Variants in BACH2 observed in about 807,000 individuals in gnomAD.
BACH2 encodes the protein BACH transcriptional regulator 2.
Under a neutral mutation model 61.8 loss-of-function variants are expected in BACH2, and 5 were observed. That is an observed-to-expected ratio of 0.08 (90% confidence interval 0.04 to 0.17). The LOEUF (loss-of-function observed/expected upper bound fraction) is 0.17, where lower values mean the gene tolerates loss of function less well. BACH2 is among the 10% of genes least tolerant of loss of function. The pLI is 1.00. For synonymous variants in BACH2, 446 were observed against 440.1 expected, an observed-to-expected ratio of 1.01 and a Z score of -0.17; for missense variants, 824 against 1,091.1, an observed-to-expected ratio of 0.76 and a Z score of 3.45.
intron 1 of BACH2, among the ~76,000 whole-genome samples, chr6:90,274,943 C>T (rs1467480038): frequency 2.0e-5 from 3 of 152,292 alleles, no homozygotes; most frequent in Middle Eastern, 3.4e-3. Context: ...CAGTTCCTCC[C>T]CCTAGTGTTC....
chr6:90,237,157 T>C (rs561845600), intron 3 of BACH2, among the ~76,000 whole-genome samples: 1 of 152,296 alleles, frequency 6.6e-6, no homozygotes, highest in East Asian at 1.9e-4. Context: ...TCTCCTGACC[T>C]CACGATCCAT....
At chr6:90,034,240 T>C (rs1178824137) in intron 5 of BACH2, among the ~76,000 whole-genome samples, 1 of 152,200 alleles carries the variant, frequency 6.6e-6, no homozygotes, top group Non-Finnish European at 1.5e-5. Flanking sequence ...TTACTTACAA[T>C]TGACCGTATT....
intron 4 of BACH2, among the ~76,000 whole-genome samples, chr6:90,174,027 A>G (rs921701786): frequency 6.6e-6 from 1 of 152,184 alleles, no homozygotes; most frequent in African/African-American, 2.4e-5. Flanking sequence ...GGGCCATCAC[A>G]TATTAATAGA....
At chr6:90,075,615 T>G (rs1781440796) in intron 5 of BACH2, among the ~76,000 whole-genome samples, 1 of 152,124 alleles carries the variant, frequency 6.6e-6, no homozygotes, top group South Asian at 2.1e-4. Flanking sequence ...AAAAGTCAAA[T>G]CCAAGATATT....
rs370783071 is a variant in BACH2, at chr6:90,083,395, G to A, written c.-13+5566C>T. ...TATATTAATGTTTACAACCATGCTGGTAACATCACTCCTCTCTGTACCATT... is the reference window on the plus strand; with the variant it reads ...TATATTAATGTTTACAACCATGCTGATAACATCACTCCTCTCTGTACCATT... On this transcript the variant is annotated intron_variant, in intron 5 of 8. Transcript: ENST00000257749. Among the ~76,000 whole-genome samples the A allele has an allele frequency of 2.7e-4, 41 of 152,198 alleles. 4 individuals carry two copies. The East Asian group carries it at 4.4e-3, about 16-fold the overall frequency.
At chr6:90,160,567 A>C (rs1785156958) in intron 4 of BACH2, among the ~76,000 whole-genome samples, 1 of 152,226 alleles carries the variant, frequency 6.6e-6, no homozygotes, top group African/African-American at 2.4e-5. Flanking sequence ...TCAAGCTAAA[A>C]ATAAACTAAA....
intron 5 of BACH2, among the ~76,000 whole-genome samples, chr6:90,025,005 C>T (rs896968002): frequency 2.6e-5 from 4 of 152,156 alleles, no homozygotes; most frequent in African/African-American, 9.7e-5. Flanking sequence ...CTCCACCCAG[C>T]GATGTCAGAT....
chr6:90,112,117 A>G (rs1173523548), intron 4 of BACH2, among the ~76,000 whole-genome samples: 1 of 152,234 alleles, frequency 6.6e-6, no homozygotes. Context: ...CTGCAGATCA[A>G]ACAAGATAAG....
intron 5 of BACH2, among the ~76,000 whole-genome samples, chr6:90,071,981 G>C (rs1160382388): frequency 1.3e-5 from 2 of 152,160 alleles, no homozygotes; most frequent in Non-Finnish European, 2.9e-5. Flanking sequence ...TGGTCTTGCT[G>C]TCTCAGGGGT....
intron 5 of BACH2, among the ~76,000 whole-genome samples, chr6:90,028,770 C>T (rs953174481): frequency 6.6e-6 from 1 of 152,214 alleles, no homozygotes; most frequent in Non-Finnish European, 1.5e-5. Context: ...GATGGAGGCT[C>T]TGGTGCCAGC....
intron 6 of BACH2, among the ~76,000 whole-genome samples, chr6:89,965,134 G>A (rs982507786): frequency 3.3e-5 from 5 of 152,260 alleles, no homozygotes; most frequent in African/African-American, 7.2e-5. Context: ...TAATCCACCC[G>A]CCTGGGCCTT....
intron 6 of BACH2, among the ~76,000 whole-genome samples, chr6:89,955,679 C>T (rs1050402875): frequency 6.6e-6 from 1 of 152,334 alleles, no homozygotes; most frequent in East Asian, 1.9e-4. Context: ...TTTCTAAATA[C>T]TGGCTTAGCC....
In BACH2 at chr6:90,279,818, T is replaced by C. The variant is rs536921272; in HGVS notation, c.-445-7877A>G. ...TATTTTGGAATTTTATGACTAGCCC[T>C]TTAAATATTAGTTTTGCTAGGAACA... On this transcript the variant is annotated intron_variant, in intron 1 of 8. Coordinates refer to ENST00000257749, the MANE Select transcript of BACH2 (RefSeq NM_021813.4). Among the ~76,000 whole-genome samples, 25 of 152,312 alleles carry C rather than the reference T, an allele frequency of 1.6e-4. No homozygotes were observed. The South Asian group carries it at 4.3e-3, about 26-fold the overall frequency.
chr6:89,950,734 G>C lies in BACH2; in HGVS notation c.1372C>G (p.Leu458Val). The C allele has an allele frequency of 6.2e-7, 1 of 1,614,148 alleles. No individual in the cohort carries two copies. The highest frequency in any genetic ancestry group is 8.5e-7 in the Non-Finnish European group (1 of 1,180,028). Residue 458 changes from leucine (L) to valine (V), a missense_variant, in exon 7 of 9, where the codon CTC becomes GTC. By Grantham distance (32) the Leu-to-Val change is conservative. Transcript: ENST00000257749. This position sits in a 1 kb window ranked among gnomAD's most constrained non-coding sequence, Gnocchi z 5.3. ...AGACCCTTTGGCACCGGCTCAGAGA[G>C]GTCTTTGTCCAAACTGCTCACCCCA... Reference protein sequence around the residue: ...YSGVSSLDKDLSEPVPKGLWV... With the variant: ...YSGVSSLDKDVSEPVPKGLWV...
At chr6:90,288,630 T>C (rs2127891257) in intron 1 of BACH2, among the ~76,000 whole-genome samples, 1 of 152,256 alleles carries the variant, frequency 6.6e-6, no homozygotes, top group East Asian at 1.9e-4. Context: ...TTTAAAACCA[T>C]TCAAATCTCC....
intron 5 of BACH2, among the ~76,000 whole-genome samples, chr6:90,025,054 A>G (rs995305291): frequency 1.3e-5 from 2 of 152,198 alleles, no homozygotes; most frequent in Non-Finnish European, 1.5e-5. Context: ...GAAGGCTACA[A>G]CTGGGATTTA....
In BACH2 at chr6:89,927,736, T is replaced by A. The variant is rs1277763800; in HGVS notation, c.*4672A>T. 2.6e-5 allele frequency: 4 copies of A among 152,792 alleles called. No homozygotes were observed. Among genetic ancestry groups the A allele is most frequent in the African/African-American group, 9.7e-5 (4 of 41,450 alleles). The allele number at this position is 152,792 out of a possible 1,614,324, so 9.5% of individuals were successfully genotyped here. A position where few individuals can be genotyped will look rare whatever the true frequency, so the allele number is the denominator to read the frequency against. On this transcript the variant is annotated 3_prime_UTR_variant, in exon 9 of 9. Coordinates refer to ENST00000257749, the MANE Select transcript of BACH2 (RefSeq NM_021813.4). Reference sequence around the variant, plus strand: ...TGATATTCATTTGATAGAAATATCATCTCCCAGGGTGGAGTGTAGGAAAAT... The same window carrying A: ...TGATATTCATTTGATAGAAATATCAACTCCCAGGGTGGAGTGTAGGAAAAT...
intron 3 of BACH2, among the ~76,000 whole-genome samples, chr6:90,250,289 A>AT (rs201576482): frequency 4.4e-4 from 67 of 151,714 alleles, no homozygotes; most frequent in East Asian, 1.4e-3. Context: ...TAAGAATACT[A>AT]TTTTTTTTTC....
At chr6:90,190,055 T>C (rs1768516073) in intron 4 of BACH2, among the ~76,000 whole-genome samples, 1 of 152,194 alleles carries the variant, frequency 6.6e-6, no homozygotes, top group African/African-American at 2.4e-5. Flanking sequence ...GTGGTTCTCT[T>C]GCCTCAGCCT....
Sources: allele counts gnomAD v4.1 joint callset (sites outside exome capture counted in the v4.1 genomes callset), GRCh38; gene constraint gnomAD v4.1.1; non-coding constraint Gnocchi (gnomAD v3.1); transcripts MANE v1.5; gene names NCBI Gene and HGNC (gene_info 2026-07-23, HGNC 2026-07-21).